The following SYNCRIP variants were observed in gnomAD, a reference collection of about 807,000 sequenced individuals.
The protein encoded by SYNCRIP is heterogeneous nuclear ribonucleoprotein Q.
SYNCRIP carries 9 observed loss-of-function variants against 68.9 expected under a neutral mutation model. That is an observed-to-expected ratio of 0.13 (90% CI 0.08 to 0.23). The LOEUF is 0.23. SYNCRIP is among the 10% of genes least tolerant of loss of function. The probability of loss-of-function intolerance (pLI) is 1.00; values close to 1 mark genes in which losing one functional copy is unlikely to be tolerated. For missense variants in SYNCRIP, 414 were observed against 770.6 expected, an observed-to-expected ratio of 0.54 and a Z score of 5.48; for synonymous variants, 258 against 254.0, an observed-to-expected ratio of 1.02 and a Z score of -0.15.
intron 6 of SYNCRIP, among the ~76,000 whole-genome samples, chr6:85,629,876 C>G (rs1007366388): frequency 6.6e-6 from 1 of 151,510 alleles, no homozygotes; most frequent in Non-Finnish European, 1.5e-5. Context: ...CCCAGCTACT[C>G]GGGAGGCCGA....
downstream of SYNCRIP, chr6:85,609,875 A>C (rs1470435374): frequency 6.6e-6 from 1 of 151,920 alleles, no homozygotes; most frequent in African/African-American, 2.4e-5. Flanking sequence ...AATTTCTTTT[A>C]ACTTATCACT....
At chr6:85,631,121 T>C (rs1249228977) in intron 6 of SYNCRIP, among the ~76,000 whole-genome samples, 1 of 151,936 alleles carries the variant, frequency 6.6e-6, no homozygotes, top group Non-Finnish European at 1.5e-5. Flanking sequence ...GGCGGGCAAA[T>C]CACTTGGGGT....
At chr6:85,628,216 C>T (rs1275312398) in intron 6 of SYNCRIP, among the ~76,000 whole-genome samples, 11 of 151,948 alleles carry the variant, frequency 7.2e-5, no homozygotes, top group Admixed American at 2.0e-4. Flanking sequence ...CCACCACACC[C>T]GGCTAATTTT....
intron 8 of SYNCRIP, among the ~76,000 whole-genome samples, chr6:85,621,031 A>G (rs1219325111): frequency 6.6e-6 from 1 of 152,244 alleles, no homozygotes; most frequent in Non-Finnish European, 1.5e-5. Flanking sequence ...AACTGTTCTC[A>G]ATCCTGAAAG....
At chr6:85,638,600 GTC>G (rs1018420359) in intron 4 of SYNCRIP, among the ~76,000 whole-genome samples, 9 of 152,052 alleles carry the variant, frequency 5.9e-5, no homozygotes, top group Admixed American at 1.3e-4. Context: ...GGTCACCTCA[GTC>G]TCTGAAAATT....
intron 2 of SYNCRIP, among the ~76,000 whole-genome samples, 170 bp from the exon 3 acceptor site, chr6:85,640,734 C>T (rs139380461): frequency 6.6e-6 from 1 of 150,878 alleles, no homozygotes; most frequent in African/African-American, 2.4e-5. Context: ...GAATCCTGAA[C>T]TAAATATGCC....
intron 7 of SYNCRIP, among the ~76,000 whole-genome samples, chr6:85,623,422 G>A (rs1339720488): frequency 6.6e-6 from 1 of 151,656 alleles, no homozygotes; most frequent in Non-Finnish European, 1.5e-5. Flanking sequence ...AAATTAGCCA[G>A]GTGTGGTGGT....
At chr6:85,638,233 C>T (rs1808693252) in intron 4 of SYNCRIP, among the ~76,000 whole-genome samples, 2 of 151,802 alleles carry the variant, frequency 1.3e-5, no homozygotes, top group African/African-American at 4.8e-5. Flanking sequence ...ATTAGCCAGG[C>T]GTGGTGGCAC....
At chr6:85,633,951 CAA>C (rs1808134952) in intron 6 of SYNCRIP, among the ~76,000 whole-genome samples, 1 of 152,116 alleles carries the variant, frequency 6.6e-6, no homozygotes, top group African/African-American at 2.4e-5. Context: ...CAACAAAATG[CAA>C]AGTCTCCTAT....
downstream of SYNCRIP, chr6:85,609,312 C>T (rs753933315): frequency 6.6e-6 from 1 of 151,896 alleles, no homozygotes; most frequent in Non-Finnish European, 1.5e-5. Flanking sequence ...TTTCTGACAA[C>T]TTTTGGCTTC....
chr6:85,636,538 T>C (rs569872868), intron 6 of SYNCRIP, among the ~76,000 whole-genome samples: 2 of 152,314 alleles, frequency 1.3e-5, no homozygotes, highest in South Asian at 2.1e-4. Context: ...AAATCAAACA[T>C]TGCCACTCAC....
chr6:85,634,973 C>T (rs747293825), intron 6 of SYNCRIP, among the ~76,000 whole-genome samples: 2 of 152,050 alleles, frequency 1.3e-5, no homozygotes, highest in African/African-American at 2.4e-5. Flanking sequence ...AGTTCAAGAC[C>T]GGCCTGGCCA....
In SYNCRIP at chr6:85,622,426, C is replaced by T. The variant is rs1180548534; in HGVS notation, c.1008+56G>A. ...CATTTTATGTTCCCCCCACCCCAACCCCGGCCCTTCTCCCATTAATCCCTC... is the reference window on the plus strand; with the variant it reads ...CATTTTATGTTCCCCCCACCCCAACTCCGGCCCTTCTCCCATTAATCCCTC... On this transcript the variant is annotated intron_variant, in intron 8 of 10. Coordinates refer to ENST00000369622, the MANE Select transcript of SYNCRIP (RefSeq NM_006372.5). The T allele has an allele frequency of 3.3e-6, 5 of 1,510,802 alleles. No homozygotes were observed. In the East Asian group the frequency reaches 9.0e-5, roughly 27 times the overall value. 93.6% of individuals were successfully genotyped at this position (1,510,802 alleles called of 1,614,324 possible). A position where few individuals can be genotyped will look rare whatever the true frequency, so the allele number is the denominator to read the frequency against.
At chr6:85,631,435 G>C (rs1330544705) in intron 6 of SYNCRIP, among the ~76,000 whole-genome samples, 1 of 151,730 alleles carries the variant, frequency 6.6e-6, no homozygotes, top group African/African-American at 2.4e-5. Flanking sequence ...GAAGGAACTT[G>C]TCTGGATAGG....
intron 8 of SYNCRIP, among the ~76,000 whole-genome samples, chr6:85,619,957 CA>C (rs1242421219): frequency 3.3e-5 from 5 of 152,032 alleles, no homozygotes; most frequent in Admixed American, 6.6e-5. Context: ...TTGTAACTGC[CA>C]AAAATTTGCC....
intron 8 of SYNCRIP, among the ~76,000 whole-genome samples, chr6:85,620,909 CCTCT>C (rs1806306686): frequency 6.6e-6 from 1 of 152,004 alleles, no homozygotes; most frequent in African/African-American, 2.4e-5. Flanking sequence ...AATACCATGC[CCTCT>C]AAGAGAGTTA....
intron 8 of SYNCRIP, 57 bp downstream of exon 8, chr6:85,622,424 AC>A (rs1433937720): frequency 6.7e-7 from 1 of 1,495,594 alleles, no homozygotes; most frequent in Admixed American, 1.7e-5. Flanking sequence ...CCCCACCCCA[AC>A]CCCGGCCCTT....
Position 85,614,832 on chromosome 6 carries a change from T to A in SYNCRIP, c.1796A>T (p.Asp599Val), listed in dbSNP as rs201300773. The A allele has an allele frequency of 6.2e-7, 1 of 1,613,860 alleles. No homozygotes were observed. Among genetic ancestry groups the A allele is most frequent in the Non-Finnish European group, 8.5e-7 (1 of 1,179,994 alleles). The change falls in exon 11 of 11, where the codon GAT becomes GTT. Residue 599 changes from aspartate (D) to valine (V), a missense_variant. Around this residue, in one of 6 missense-constraint regions of SYNCRIP, gnomAD observed 130 missense variants for 149.0 expected, o/e 0.87. Transcript: ENST00000369622. ...TTTGTAACCATAGTTACCAGAATGA[T>A]CACCACCTTGGAGCGGTTGCTGAGC... ...PIAQQPLQGG[D>V]HSGNYGYKSE...
chr6:85,641,389 A>G lies in SYNCRIP; in HGVS notation c.51T>C (p.Thr17=), dbSNP rs771123926. 6 of 1,613,120 alleles carry G rather than the reference A, an allele frequency of 3.7e-6. No individual in the cohort carries two copies. The highest frequency in any genetic ancestry group is 5.1e-6 in the Non-Finnish European group (6 of 1,179,520). Residue 17 remains threonine (T), a synonymous_variant, in exon 2 of 11, where the codon ACT becomes ACC. Coordinates refer to ENST00000369622, the MANE Select transcript of SYNCRIP (RefSeq NM_006372.5). ...TTTCTGAATGGATAACTGCAGAAGTAGTATCCATGGGCTCTTCAGTACCAT... is the reference window on the plus strand; with the variant it reads ...TTTCTGAATGGATAACTGCAGAAGTGGTATCCATGGGCTCTTCAGTACCAT... ...NGNGTEEPMD[T]TSAVIHSENF...
Sources: allele counts gnomAD v4.1 joint callset (sites outside exome capture counted in the v4.1 genomes callset), GRCh38; gene constraint gnomAD v4.1.1; regional missense constraint gnomAD v4.1.1; transcripts MANE v1.5; gene names NCBI Gene and HGNC (gene_info 2026-07-23, HGNC 2026-07-21).